Variants in SGCZ observed in about 807,000 individuals in gnomAD.
SGCZ encodes the protein sarcoglycan zeta.
Under a neutral mutation model 41.3 loss-of-function variants are expected in SGCZ, and 40 were observed. The observed-to-expected ratio is 0.97, with a 90% CI of 0.75 to 1.26. The LOEUF (loss-of-function observed/expected upper bound fraction) is 1.26, where lower values mean the gene tolerates loss of function less well. Ranked by LOEUF, SGCZ falls within the 50% of genes most tolerant of loss-of-function variation. SGCZ has a pLI of 0.00. For synonymous variants in SGCZ, 206 were observed against 137.5 expected (o/e 1.50, Z -3.49); for missense variants, 552 against 369.8 (o/e 1.49, Z -4.04).
chr8:14,911,231 T>C (rs961570564), intron 1 of SGCZ, among the ~76,000 whole-genome samples: 1 of 152,068 alleles, frequency 6.6e-6, no homozygotes, highest in Non-Finnish European at 1.5e-5. Context: ...TGTCCACATC[T>C]GGCTTCATTA....
intron 2 of SGCZ, among the ~76,000 whole-genome samples, chr8:14,373,027 G>C (rs1365385637): frequency 2.6e-5 from 4 of 152,138 alleles, no homozygotes; most frequent in Admixed American, 6.6e-5. Flanking sequence ...ATAATAACCT[G>C]CTTTAGATTG....
At chr8:14,710,157 G>T (rs11990812) in intron 1 of SGCZ, among the ~76,000 whole-genome samples, 6,435 of 151,986 alleles carry the variant, frequency 0.042, 450 homozygotes, top group African/African-American at 0.15. Flanking sequence ...ACGAGGTCAG[G>T]AGATCGAGAC....
At position 14,948,595 on chromosome 8, in the gene SGCZ, C is replaced by T. The variant is rs924650390; in HGVS notation, c.39+288990G>A. On this transcript the variant is annotated intron_variant, in intron 1 of 7. Coordinates refer to ENST00000382080, the MANE Select transcript of SGCZ (RefSeq NM_139167.4). Reference sequence around the variant, plus strand: ...TCCTTAGATGACATTTATCCCTTAACCTACTCCAGGTAGTTTCCACTGTTC... The same window carrying T: ...TCCTTAGATGACATTTATCCCTTAATCTACTCCAGGTAGTTTCCACTGTTC... 5.3e-5 allele frequency among the ~76,000 whole-genome samples: 8 copies of T among 152,058 alleles called. No homozygotes were observed. In the East Asian group the frequency reaches 7.7e-4, roughly 15 times the overall value.
intron 3 of SGCZ, among the ~76,000 whole-genome samples, chr8:14,241,467 T>A (rs1798887686): frequency 6.7e-6 from 1 of 148,330 alleles, no homozygotes; most frequent in South Asian, 2.1e-4. Flanking sequence ...TAATAATATA[T>A]ATCCTATATA....
At chr8:14,351,435 A>G (rs1803089233) in intron 2 of SGCZ, among the ~76,000 whole-genome samples, 1 of 151,972 alleles carries the variant, frequency 6.6e-6, no homozygotes, top group East Asian at 1.9e-4. Flanking sequence ...CTCATTTTTT[A>G]TCTGCCATAA....
chr8:14,182,996 A>G (rs1268848938), intron 4 of SGCZ, among the ~76,000 whole-genome samples: 1 of 136,866 alleles, frequency 7.3e-6, no homozygotes, highest in Non-Finnish European at 1.6e-5. Context: ...GGCAACAAAG[A>G]GCAAAACTCC....
intron 2 of SGCZ, among the ~76,000 whole-genome samples, chr8:14,552,613 A>T (rs1803906278): frequency 6.6e-6 from 1 of 152,040 alleles, no homozygotes; most frequent in Non-Finnish European, 1.5e-5. Context: ...TATAATTTAC[A>T]TTCTGGCCAG....
intron 1 of SGCZ, among the ~76,000 whole-genome samples, chr8:14,610,985 G>C (rs186553072): frequency 1.4e-3 from 219 of 152,104 alleles, no homozygotes; most frequent in African/African-American, 4.6e-3. Context: ...TTCTTTGATA[G>C]GCTCAGCTAC....
intron 1 of SGCZ, among the ~76,000 whole-genome samples, chr8:14,710,557 G>C (rs1256870445): frequency 6.6e-6 from 1 of 151,888 alleles, no homozygotes; most frequent in Non-Finnish European, 1.5e-5. Flanking sequence ...CTGTCTACGT[G>C]AGTTAATAAA....
chr8:14,675,593 A>T (rs1808250791), intron 1 of SGCZ, among the ~76,000 whole-genome samples: 1 of 152,156 alleles, frequency 6.6e-6, no homozygotes, highest in African/African-American at 2.4e-5. Context: ...AAAAATATAC[A>T]CTGAGCTCCT....
rs546178357 is a variant in SGCZ at position 14,412,063 on chromosome 8, T to C, written c.235-87859A>G. Among the ~76,000 whole-genome samples the C allele has an allele frequency of 4.6e-5, 7 of 152,216 alleles. No homozygotes were observed. In the East Asian group the frequency reaches 1.3e-3, roughly 29 times the overall value. On this transcript the variant is annotated intron_variant, in intron 2 of 7. Coordinates refer to ENST00000382080, the MANE Select transcript of SGCZ (RefSeq NM_139167.4). ...ACCATCCTTCCCATAAAGCCAGTGT[T>C]GACCTCAAAATTGCCATTCAAAGAT...
At chr8:15,217,595 C>T (rs1801450353) in intron 1 of SGCZ, among the ~76,000 whole-genome samples, 1 of 151,984 alleles carries the variant, frequency 6.6e-6, no homozygotes, top group Admixed American at 6.6e-5. Context: ...TCCCAATTTG[C>T]ATACTTAAAA....
chr8:14,950,127 G>T (rs1383412), intron 1 of SGCZ, among the ~76,000 whole-genome samples: 53,683 of 151,740 alleles, frequency 0.35, 10,029 homozygotes, highest in Non-Finnish European at 0.41. Flanking sequence ...TCTCTCCAGG[G>T]GTAGTGTATT....
chr8:14,108,116 T>C, intron 6 of SGCZ, 47 bp downstream of exon 6: 2 of 1,546,458 alleles, frequency 1.3e-6, no homozygotes, highest in Non-Finnish European at 1.8e-6. Context: ...TTAAGGATTA[T>C]CAACAATGAT....
intron 4 of SGCZ, among the ~76,000 whole-genome samples, chr8:14,206,134 G>C (rs998086348): frequency 3.3e-5 from 5 of 151,988 alleles, no homozygotes; most frequent in Admixed American, 1.3e-4. Flanking sequence ...ATGTTTCTAA[G>C]TATGTGTATA....
intron 1 of SGCZ, among the ~76,000 whole-genome samples, chr8:14,867,400 C>A (rs75423081): frequency 0.02 from 3,112 of 152,112 alleles, 45 homozygotes; most frequent in Non-Finnish European, 0.033. Flanking sequence ...GGGAATAGTA[C>A]TGCAATAAAG....
Position 14,769,911 on chromosome 8 carries a change from G to A in SGCZ, c.40-214985C>T, listed in dbSNP as rs946263862. On this transcript the variant is annotated intron_variant, in intron 1 of 7. Coordinates refer to ENST00000382080, the MANE Select transcript of SGCZ (RefSeq NM_139167.4). ...TGCAACTCGATTGGACTCTATCAGC[G>A]GGTATGCTGCAGGCATAAAGATGCA... is the stretch of plus-strand genomic sequence containing the variant. Among the ~76,000 whole-genome samples the A allele has an allele frequency of 4.0e-5, 6 of 150,812 alleles. No individual in the cohort carries two copies. In the East Asian group the frequency reaches 5.8e-4, roughly 15 times the overall value.
chr8:14,980,330 A>G lies in SGCZ; in HGVS notation c.39+257255T>C, dbSNP rs182848816. ...CAAGTAAGAAGGAATCTACTCATTA[A>G]TCAGAGACCTGGGATACCCAAGTAT... On this transcript the variant is annotated intron_variant, in intron 1 of 7. Coordinates refer to ENST00000382080, the MANE Select transcript of SGCZ (RefSeq NM_139167.4). Among the ~76,000 whole-genome samples, 15 of 152,356 alleles carry G rather than the reference A, an allele frequency of 9.8e-5. No homozygotes were observed. In the East Asian group the frequency reaches 2.3e-3, roughly 24 times the overall value.
At chr8:15,107,415 G>C (rs1330335256) in intron 1 of SGCZ, among the ~76,000 whole-genome samples, 1 of 152,128 alleles carries the variant, frequency 6.6e-6, no homozygotes, top group Admixed American at 6.5e-5. Context: ...ACCTCCTTCA[G>C]GGTGAGAGGA....
Sources: allele counts gnomAD v4.1 joint callset (sites outside exome capture counted in the v4.1 genomes callset), GRCh38; gene constraint gnomAD v4.1.1; transcripts MANE v1.5; gene names NCBI Gene and HGNC (gene_info 2026-07-23, HGNC 2026-07-21).